FHIT: variants seen among roughly 807,000 people sequenced by gnomAD.
The protein encoded by FHIT is bis(5'-adenosyl)-triphosphatase.
In FHIT, 19 loss-of-function variants were observed where a neutral mutation model predicts 17.9. That is an observed-to-expected ratio of 1.06 (90% CI 0.74 to 1.56). The LOEUF is 1.56. Ranked by LOEUF, FHIT falls within the 40% of genes most tolerant of loss-of-function variation. The pLI is 0.00. For synonymous variants in FHIT, 81 were observed against 69.7 expected (o/e 1.16, Z -0.81); for missense variants, 248 against 189.2 (o/e 1.31, Z -1.82).
intron 4 of FHIT, among the ~76,000 whole-genome samples, chr3:60,622,847 C>T (rs1553679301): frequency 3.9e-5 from 6 of 152,324 alleles, no homozygotes; most frequent in African/African-American, 1.4e-4. Context: ...GTAGTTTCAG[C>T]CTTTGCCACA....
chr3:61,182,908 A>G (rs2038386331), intron 2 of FHIT, among the ~76,000 whole-genome samples: 1 of 152,216 alleles, frequency 6.6e-6, no homozygotes, highest in Non-Finnish European at 1.5e-5. Flanking sequence ...TTCTACTTCT[A>G]TGCACCATCT....
chr3:60,397,964 C>T (rs1701515211), intron 5 of FHIT, among the ~76,000 whole-genome samples: 1 of 152,140 alleles, frequency 6.6e-6, no homozygotes, highest in African/African-American at 2.4e-5. Flanking sequence ...ATAAAAGCCA[C>T]AGCCTCAGCC....
chr3:60,265,151 T>G (rs1363235782), intron 5 of FHIT, among the ~76,000 whole-genome samples: 1 of 151,968 alleles, frequency 6.6e-6, no homozygotes, highest in South Asian at 2.1e-4. Context: ...TTGAAGCATA[T>G]CTATTAAAGT....
intron 5 of FHIT, among the ~76,000 whole-genome samples, chr3:60,524,739 G>A (rs1057364877): frequency 2.0e-5 from 3 of 152,076 alleles, no homozygotes; most frequent in African/African-American, 7.2e-5. Context: ...TCACGATCAT[G>A]TTGTGTCCTC....
intron 5 of FHIT, among the ~76,000 whole-genome samples, chr3:60,343,434 C>A (rs1710624112): frequency 6.6e-6 from 1 of 152,126 alleles, no homozygotes; most frequent in Non-Finnish European, 1.5e-5. Flanking sequence ...TAGCTCATAT[C>A]TATTCACTCC....
chr3:60,310,595 C>G (rs1385917745), intron 5 of FHIT, among the ~76,000 whole-genome samples: 1 of 152,082 alleles, frequency 6.6e-6, no homozygotes, highest in Non-Finnish European at 1.5e-5. Context: ...CTAACAGCTA[C>G]TGGGGAAAAC....
chr3:60,103,641 T>C (rs150409210), intron 5 of FHIT, among the ~76,000 whole-genome samples: 293 of 152,274 alleles, frequency 1.9e-3, no homozygotes, highest in African/African-American at 6.5e-3. Flanking sequence ...GAATATTCTC[T>C]TACCCTTGTA....
intron 8 of FHIT, among the ~76,000 whole-genome samples, chr3:59,814,160 T>C (rs1700513891): frequency 6.6e-6 from 1 of 152,196 alleles, no homozygotes; most frequent in Non-Finnish European, 1.5e-5. Flanking sequence ...AAAGATGTGC[T>C]GCTGTTATTT....
At chr3:60,769,838 A>T (rs1438697247) in intron 4 of FHIT, among the ~76,000 whole-genome samples, 2 of 152,238 alleles carry the variant, frequency 1.3e-5, no homozygotes, top group Middle Eastern at 3.2e-3. Context: ...CAGTTCATCC[A>T]CAAAGACTCA....
At chr3:60,288,601 G>C (rs1425344423) in intron 5 of FHIT, among the ~76,000 whole-genome samples, 2 of 150,040 alleles carry the variant, frequency 1.3e-5, no homozygotes, top group Non-Finnish European at 3.0e-5. Flanking sequence ...GTGTGTGTGT[G>C]TGTGGAGGGG....
intron 8 of FHIT, among the ~76,000 whole-genome samples, chr3:59,813,690 G>T (rs1016611315): frequency 1.8e-4 from 28 of 152,100 alleles, no homozygotes; most frequent in Non-Finnish European, 3.5e-4. Flanking sequence ...TATTAGGATG[G>T]TTTTTTAGGG....
chr3:59,762,128 G>A (rs1701548305), intron 8 of FHIT, among the ~76,000 whole-genome samples: 1 of 152,142 alleles, frequency 6.6e-6, no homozygotes, highest in Admixed American at 6.5e-5. Flanking sequence ...CAGGCGGGTA[G>A]TGTAGACAAC....
intron 5 of FHIT, among the ~76,000 whole-genome samples, chr3:60,425,182 A>G (rs1254017718): frequency 3.3e-5 from 5 of 152,150 alleles, no homozygotes; most frequent in African/African-American, 1.2e-4. Context: ...GGGATGGGAA[A>G]TGTCATCCTG....
chr3:61,184,377 T>G (rs2038439808), intron 2 of FHIT, among the ~76,000 whole-genome samples: 1 of 152,114 alleles, frequency 6.6e-6, no homozygotes, highest in African/African-American at 2.4e-5. Context: ...AAAACTGCAC[T>G]GACTTCCTTG....
chr3:60,022,804 T>G (rs563880689), intron 5 of FHIT, among the ~76,000 whole-genome samples: 4 of 152,318 alleles, frequency 2.6e-5, no homozygotes, highest in African/African-American at 9.6e-5. Context: ...ATTCTTCAAT[T>G]AGACGGCAAT....
intron 5 of FHIT, among the ~76,000 whole-genome samples, chr3:60,368,853 T>A (rs1254352682): frequency 6.6e-6 from 1 of 151,834 alleles, no homozygotes; most frequent in South Asian, 2.1e-4. Flanking sequence ...TTTCTTAGTC[T>A]TTTTTTTCCT....
chr3:60,642,736 C>A (rs554780206), intron 4 of FHIT, among the ~76,000 whole-genome samples: 1 of 152,134 alleles, frequency 6.6e-6, no homozygotes, highest in Non-Finnish European at 1.5e-5. Context: ...CCACCTCCCC[C>A]GCTCCAGGGG....
At chr3:59,956,180 T>C (rs1418205090) in intron 7 of FHIT, among the ~76,000 whole-genome samples, 1 of 152,148 alleles carries the variant, frequency 6.6e-6, no homozygotes, top group Non-Finnish European at 1.5e-5. Context: ...AGCAAACTCT[T>C]CTTCCTTAAT....
intron 3 of FHIT, among the ~76,000 whole-genome samples, chr3:60,871,805 T>C (rs1704428254): frequency 6.6e-6 from 1 of 152,032 alleles, no homozygotes; most frequent in African/African-American, 2.4e-5. Flanking sequence ...AGATTTTTTA[T>C]TTTTTGAATG....
Sources: allele counts gnomAD v4.1 joint callset (sites outside exome capture counted in the v4.1 genomes callset), GRCh38; gene constraint gnomAD v4.1.1; transcripts MANE v1.5; gene names NCBI Gene and HGNC (gene_info 2026-07-23, HGNC 2026-07-21).